Variants in PTPRD observed in about 807,000 individuals in gnomAD.
PTPRD encodes the protein protein tyrosine phosphatase receptor type D, also known as receptor-type tyrosine-protein phosphatase delta.
A neutral mutation model predicts 214.5 loss-of-function variants in PTPRD; 34 were observed. The ratio of observed to expected loss-of-function variants is 0.16; its 90% CI spans 0.12 to 0.21. PTPRD has a LOEUF of 0.21. PTPRD is among the 10% of genes least tolerant of loss of function. The probability of loss-of-function intolerance (pLI) is 1.00; values close to 1 mark genes in which losing one functional copy is unlikely to be tolerated. For synonymous variants in PTPRD, 1,128 were observed against 845.7 expected, an observed-to-expected ratio of 1.33 and a Z score of -5.79; for missense variants, 2,545 against 2,398.7, an observed-to-expected ratio of 1.06 and a Z score of -1.27.
chr9:10,363,466 T>C (rs977229801), intron 2 of PTPRD, among the ~76,000 whole-genome samples: 37 of 152,218 alleles, frequency 2.4e-4, no homozygotes, highest in African/African-American at 8.9e-4. Context: ...GTGACATTTC[T>C]CACTGCTACT....
At chr9:9,805,604 T>C (rs946725742) in intron 5 of PTPRD, among the ~76,000 whole-genome samples, 2 of 152,180 alleles carry the variant, frequency 1.3e-5, no homozygotes, top group Admixed American at 6.5e-5. Context: ...GGTTTATACA[T>C]ACTGAGATTT....
At chr9:9,772,877 T>A (rs2098763966) in intron 5 of PTPRD, among the ~76,000 whole-genome samples, 1 of 152,162 alleles carries the variant, frequency 6.6e-6, no homozygotes, top group Non-Finnish European at 1.5e-5. Flanking sequence ...TAGGAATCTC[T>A]CAAAACGACA....
At chr9:9,179,293 C>T (rs890248278) in intron 10 of PTPRD, among the ~76,000 whole-genome samples, 1 of 152,070 alleles carries the variant, frequency 6.6e-6, no homozygotes, top group Non-Finnish European at 1.5e-5. Context: ...ATTGCCCTTT[C>T]CAAAATAAGC....
intron 3 of PTPRD, among the ~76,000 whole-genome samples, chr9:10,087,325 T>G (rs2098359854): frequency 6.6e-6 from 1 of 151,686 alleles, no homozygotes; most frequent in African/African-American, 2.4e-5. Flanking sequence ...GCATTAGGAC[T>G]CAATTTTAAG....
chr9:9,256,622 T>C (rs941146926), intron 9 of PTPRD, among the ~76,000 whole-genome samples: 1 of 151,992 alleles, frequency 6.6e-6, no homozygotes, highest in Non-Finnish European at 1.5e-5. Flanking sequence ...AGGATTCCTG[T>C]GTCCTAGCCT....
intron 9 of PTPRD, among the ~76,000 whole-genome samples, chr9:9,327,944 TAAGA>T (rs2040677858): frequency 6.6e-6 from 1 of 151,828 alleles, no homozygotes; most frequent in Non-Finnish European, 1.5e-5. Flanking sequence ...CATAATATTT[TAAGA>T]AAGTTTACAA....
chr9:9,329,703 A>G (rs1448943467), intron 9 of PTPRD, among the ~76,000 whole-genome samples: 1 of 152,218 alleles, frequency 6.6e-6, no homozygotes, highest in Non-Finnish European at 1.5e-5. Flanking sequence ...CTAGATGAAC[A>G]TCCAGTTTAC....
intron 4 of PTPRD, among the ~76,000 whole-genome samples, chr9:10,025,199 T>A (rs558839247): frequency 2.6e-5 from 4 of 152,278 alleles, no homozygotes; most frequent in African/African-American, 9.6e-5. Context: ...CCCTGAGGAA[T>A]CGCCACACTG....
At chr9:9,144,799 AAAAC>A (rs1011690425) in intron 10 of PTPRD, among the ~76,000 whole-genome samples, 16 of 152,048 alleles carry the variant, frequency 1.1e-4, no homozygotes, top group African/African-American at 2.2e-4. Context: ...AAAAACCCAA[AAAAC>A]AAACAAACAA....
chr9:10,589,632 A>G (rs1297005491), intron 2 of PTPRD, among the ~76,000 whole-genome samples: 2 of 152,066 alleles, frequency 1.3e-5, no homozygotes, highest in African/African-American at 4.8e-5. Flanking sequence ...CAGTGCCTCA[A>G]CTATGAAAGA....
chr9:8,929,681 TTATATATGTGTATATATATATGTGTATA>T (rs1450452359), intron 11 of PTPRD, among the ~76,000 whole-genome samples: 15 of 119,768 alleles, frequency 1.3e-4, no homozygotes, highest in Non-Finnish European at 2.6e-4. Context: ...AGGTTTTCTT[TTATATATGTGTATATATATATGTGTATA>T]TATATATGTG....
intron 10 of PTPRD, among the ~76,000 whole-genome samples, chr9:9,091,618 A>G (rs928261961): frequency 6.6e-6 from 1 of 152,234 alleles, no homozygotes; most frequent in African/African-American, 2.4e-5. Context: ...CTCAGTAAGT[A>G]TTTGTGGAAT....
chr9:10,482,559 T>A (rs142566571), intron 2 of PTPRD, among the ~76,000 whole-genome samples: 2,348 of 151,942 alleles, frequency 0.015, 18 homozygotes, highest in Middle Eastern at 0.075. Context: ...ATTTAATAAA[T>A]CTCTTTGGAG....
chr9:9,474,897 CT>C (rs36082046), intron 8 of PTPRD, among the ~76,000 whole-genome samples: 1 of 151,930 alleles, frequency 6.6e-6, no homozygotes, highest in Non-Finnish European at 1.5e-5. Context: ...AATTGGATTC[CT>C]TTTTTCCAAT....
chr9:8,325,876 T>C (rs1318212297), intron 44 of PTPRD, among the ~76,000 whole-genome samples: 1 of 152,148 alleles, frequency 6.6e-6, no homozygotes, highest in African/African-American at 2.4e-5. Context: ...GATTTGGCTA[T>C]TATTGGTGTA....
At chr9:10,152,101 C>G (rs1033559314) in intron 3 of PTPRD, among the ~76,000 whole-genome samples, 1 of 152,096 alleles carries the variant, frequency 6.6e-6, no homozygotes, top group Non-Finnish European at 1.5e-5. Context: ...TTCAACTGTG[C>G]AATAAACTGC....
intron 9 of PTPRD, among the ~76,000 whole-genome samples, chr9:9,313,790 A>G (rs192437473): frequency 8.5e-5 from 13 of 152,296 alleles, no homozygotes; most frequent in Admixed American, 8.5e-4. Context: ...CAGCTAATCA[A>G]TTGGAATGGT....
intron 14 of PTPRD, among the ~76,000 whole-genome samples, chr9:8,574,632 C>T (rs978794707): frequency 6.6e-6 from 1 of 151,944 alleles, no homozygotes; most frequent in Non-Finnish European, 1.5e-5. Context: ...CTTGCACTTT[C>T]CACATACTTT....
At chr9:9,139,613 A>T (rs1353200750) in intron 10 of PTPRD, among the ~76,000 whole-genome samples, 1 of 133,520 alleles carries the variant, frequency 7.5e-6, no homozygotes, top group African/African-American at 2.6e-5. Context: ...GGCCGGACAA[A>T]GGGTGGATTC....
Sources: allele counts gnomAD v4.1 joint callset (sites outside exome capture counted in the v4.1 genomes callset), GRCh38; gene constraint gnomAD v4.1.1; transcripts MANE v1.5; gene names NCBI Gene and HGNC (gene_info 2026-07-23, HGNC 2026-07-21).